The following RAD51B variants were observed in gnomAD, a reference collection of about 807,000 sequenced individuals.
RAD51B encodes the protein RAD51 paralog B.
Under a neutral mutation model 42.2 loss-of-function variants are expected in RAD51B, and 38 were observed. That is an observed-to-expected ratio of 0.90 (90% CI 0.70 to 1.18). The LOEUF (loss-of-function observed/expected upper bound fraction) is 1.18, where lower values mean the gene tolerates loss of function less well. Among genes scored for constraint, RAD51B ranks in the 50% most tolerant of loss-of-function variants. RAD51B has a pLI of 0.00. For synonymous variants in RAD51B, 154 were observed against 145.2 expected, an observed-to-expected ratio of 1.06 and a Z score of -0.43; for missense variants, 373 against 400.7, an observed-to-expected ratio of 0.93 and a Z score of 0.59.
chr14:68,162,459 G>C (rs2078660261), intron 7 of RAD51B, among the ~76,000 whole-genome samples: 1 of 152,130 alleles, frequency 6.6e-6, no homozygotes, highest in South Asian at 2.1e-4. Context: ...ATTTCATATA[G>C]AAGTTTCTAT....
intron 7 of RAD51B, among the ~76,000 whole-genome samples, chr14:67,981,229 A>G (rs1299437800): frequency 6.6e-6 from 1 of 152,196 alleles, no homozygotes; most frequent in Admixed American, 6.5e-5. Flanking sequence ...ATCAAATATT[A>G]CTTCCTTTTC....
At chr14:68,581,646 G>GA (rs1242394946) in intron 10 of RAD51B, among the ~76,000 whole-genome samples, 3 of 151,970 alleles carry the variant, frequency 2.0e-5, no homozygotes, top group Non-Finnish European at 2.9e-5. Flanking sequence ...CACAAAATTA[G>GA]AAAAAAACTA....
At chr14:68,105,418 A>G (rs2077360174) in intron 7 of RAD51B, among the ~76,000 whole-genome samples, 1 of 152,022 alleles carries the variant, frequency 6.6e-6, no homozygotes, top group Non-Finnish European at 1.5e-5. Flanking sequence ...TGTATGATTG[A>G]TTATACTTGC....
In RAD51B at chr14:68,437,449, G is replaced by C. The variant is rs148590884; in HGVS notation, c.957+25922G>C. On this transcript the variant is annotated intron_variant, in intron 9 of 10. Transcript: ENST00000471583. ...GGATTTTTACACATATGTCCATCAG[G>C]GCCTGAAGTTTTCCTTTTTCATTGT... is the stretch of plus-strand genomic sequence containing the variant. 6.8e-4 allele frequency among the ~76,000 whole-genome samples: 103 copies of C among 152,158 alleles called. 3 individuals carry two copies. In the East Asian group the frequency reaches 0.019, roughly 29 times the overall value.
At chr14:68,139,288 A>G (rs1353302211) in intron 7 of RAD51B, among the ~76,000 whole-genome samples, 4 of 150,228 alleles carry the variant, frequency 2.7e-5, no homozygotes, top group East Asian at 1.9e-4. Flanking sequence ...TTTGGCTTGT[A>G]TAGATGAGAA....
At chr14:68,090,721 T>C (rs961125660) in intron 7 of RAD51B, among the ~76,000 whole-genome samples, 6 of 150,962 alleles carry the variant, frequency 4.0e-5, no homozygotes, top group African/African-American at 1.5e-4. Context: ...ATTATTATAC[T>C]TTAAGTTTTA....
At chr14:68,468,298 G>A (rs1784786440) in intron 10 of RAD51B, 48 bp downstream of exon 10, 2 of 1,540,982 alleles carry the variant, frequency 1.3e-6, no homozygotes, top group Non-Finnish European at 1.8e-6. Context: ...GCTCAGTGCT[G>A]CCCATTGCTA....
intron 3 of RAD51B, among the ~76,000 whole-genome samples, chr14:67,829,094 T>C (rs534823091): frequency 1.8e-4 from 27 of 152,322 alleles, no homozygotes; most frequent in African/African-American, 6.5e-4. Flanking sequence ...ATTTTCATGA[T>C]ATTGATTCTT....
intron 7 of RAD51B, among the ~76,000 whole-genome samples, chr14:67,987,870 G>A (rs2075221823): frequency 6.6e-6 from 1 of 152,186 alleles, no homozygotes; most frequent in South Asian, 2.1e-4. Context: ...CGAAATAACA[G>A]CCAGTGTGGT....
chr14:67,965,005 A>G (rs1179769355), intron 7 of RAD51B, among the ~76,000 whole-genome samples: 1 of 152,206 alleles, frequency 6.6e-6, no homozygotes, highest in Non-Finnish European at 1.5e-5. Context: ...CATTATCACC[A>G]TTCTCACAAA....
intron 5 of RAD51B, among the ~76,000 whole-genome samples, chr14:67,876,007 C>T (rs2042714303): frequency 6.6e-6 from 1 of 152,128 alleles, no homozygotes; most frequent in Non-Finnish European, 1.5e-5. Context: ...TTCCTCAGTT[C>T]AGTTCCAGCT....
At chr14:68,480,975 TG>T (rs760674366), downstream of RAD51B, among the ~76,000 whole-genome samples, 2 of 152,190 alleles carry the variant, frequency 1.3e-5, no homozygotes, top group Non-Finnish European at 2.9e-5. Flanking sequence ...TGACTCTCTT[TG>T]GGGGTAGTTC....
intron 7 of RAD51B, among the ~76,000 whole-genome samples, chr14:68,257,457 G>A (rs1458714268): frequency 1.3e-5 from 2 of 152,068 alleles, no homozygotes; most frequent in South Asian, 2.1e-4. Context: ...CTCCTTCAGT[G>A]TCTAAAAATG....
At chr14:68,083,777 A>G (rs1595372624) in intron 7 of RAD51B, among the ~76,000 whole-genome samples, 3 of 152,318 alleles carry the variant, frequency 2.0e-5, no homozygotes, top group East Asian at 3.9e-4. Flanking sequence ...TGAGAGAAAC[A>G]TGAAGAGTTC....
intron 8 of RAD51B, among the ~76,000 whole-genome samples, chr14:68,302,287 G>A (rs758480647): frequency 4.6e-5 from 7 of 152,332 alleles, no homozygotes; most frequent in South Asian, 2.1e-4. Context: ...TGGCTATGAC[G>A]GACAAGTAAG....
At chr14:68,234,321 C>G (rs1362444341) in intron 7 of RAD51B, among the ~76,000 whole-genome samples, 1 of 152,168 alleles carries the variant, frequency 6.6e-6, no homozygotes, top group Non-Finnish European at 1.5e-5. Flanking sequence ...AAGAGACATT[C>G]AGGTGGAGAA....
rs371433273 is a variant in RAD51B, at chr14:68,241,498, C to T, written c.757-50386C>T. Among the ~76,000 whole-genome samples the T allele has an allele frequency of 5.3e-4, 80 of 152,188 alleles. 1 individual carries two copies. Among genetic ancestry groups the T allele is most frequent in the African/African-American group, 1.4e-3 (57 of 41,522 alleles). On this transcript the variant is annotated intron_variant, in intron 7 of 10. Coordinates refer to ENST00000471583, the MANE Select transcript of RAD51B (RefSeq NM_133510.4). The stretch of plus-strand genomic sequence containing the variant: ...CCGAGCTTGCAGTGAGCTGAGATCG[C>T]GCCACTGCACTCCAGCTGGGCGACA...
At chr14:68,554,276 T>C (rs1030588661) in intron 10 of RAD51B, among the ~76,000 whole-genome samples, 3 of 152,218 alleles carry the variant, frequency 2.0e-5, no homozygotes, top group African/African-American at 7.2e-5. Flanking sequence ...AAGTCACACC[T>C]GTGACCTTGA....
intron 8 of RAD51B, among the ~76,000 whole-genome samples, chr14:68,301,324 A>T (rs1289769079): frequency 1.3e-5 from 2 of 152,158 alleles, no homozygotes; most frequent in Non-Finnish European, 2.9e-5. Context: ...ATTCCTTCTG[A>T]GTAGGACTCT....
Sources: gnomAD v4.1 joint callset for allele counts (sites outside exome capture counted in the v4.1 genomes callset) on GRCh38, gnomAD v4.1.1 for gene constraint, MANE v1.5 for transcripts, NCBI Gene and HGNC (gene_info 2026-07-23, HGNC 2026-07-21) for gene names.